Variants in THRAP3 observed in about 807,000 individuals in gnomAD.
THRAP3 encodes the protein thyroid hormone receptor associated protein 3.
In THRAP3, 16 loss-of-function variants were observed where a neutral mutation model predicts 101.0. The ratio of observed to expected loss-of-function variants is 0.16; its 90% CI spans 0.11 to 0.24. THRAP3 has a LOEUF of 0.24. Ranked by LOEUF, THRAP3 falls within the 10% of genes least tolerant of loss-of-function variation. The probability of loss-of-function intolerance (pLI) is 1.00; values close to 1 mark genes in which losing one functional copy is unlikely to be tolerated. For synonymous variants in THRAP3, 407 were observed against 422.6 expected (o/e 0.96, Z 0.45); for missense variants, 989 against 1,202.7 (o/e 0.82, Z 2.63).
chr1:36,240,407 A>G (rs539170374), intron 1 of THRAP3, among the ~76,000 whole-genome samples: 26 of 152,364 alleles, frequency 1.7e-4, no homozygotes, highest in Middle Eastern at 3.4e-3. Flanking sequence ...AGAGGAAGCC[A>G]GGCATCTGTC....
intron 6 of THRAP3, 127 bp from the exon 7 acceptor site, chr1:36,292,471 C>A (rs779478469): frequency 3.0e-4 from 181 of 600,782 alleles, no homozygotes; most frequent in Admixed American, 5.2e-4. Context: ...GGGGTTTCAC[C>A]GTGTTAGCCA....
At chr1:36,267,316 G>C (rs900421119) in intron 2 of THRAP3, among the ~76,000 whole-genome samples, 49 of 152,106 alleles carry the variant, frequency 3.2e-4, no homozygotes, top group African/African-American at 1.1e-3. Context: ...TTAGGACATG[G>C]CTGAAGTAGT....
chr1:36,296,054 ACCT>A (rs1417814499), intron 8 of THRAP3, among the ~76,000 whole-genome samples: 1 of 136,858 alleles, frequency 7.3e-6, no homozygotes, highest in Non-Finnish European at 1.5e-5. Flanking sequence ...GCTCACTGCA[ACCT>A]CCACCTCCTG....
chr1:36,222,986 G>A (rs995074677), upstream of THRAP3, among the ~76,000 whole-genome samples: 3 of 152,054 alleles, frequency 2.0e-5, no homozygotes, highest in South Asian at 2.1e-4. Context: ...AAAATTAGCC[G>A]GGTGGTGGCA....
At chr1:36,287,576 T>C (rs200244149) in intron 4 of THRAP3, 1 of 985,260 alleles carries the variant, frequency 1.0e-6, no homozygotes, top group East Asian at 1.1e-4. Context: ...GATTTGTGGG[T>C]CAGCTATCAA....
chr1:36,218,831 G>C, the THRAP3 span, among the ~76,000 whole-genome samples: 1 of 151,806 alleles, frequency 6.6e-6, no homozygotes, highest in Non-Finnish European at 1.5e-5. Context: ...TCAGGAGTTC[G>C]AGACCAGCCT....
chr1:36,265,842 C>G (rs1017111590), intron 2 of THRAP3, among the ~76,000 whole-genome samples: 1 of 151,872 alleles, frequency 6.6e-6, no homozygotes, highest in Admixed American at 6.6e-5. Flanking sequence ...CCCCCTACCC[C>G]CTAAAAATTA....
At chr1:36,248,800 T>C (rs1024036237) in intron 1 of THRAP3, among the ~76,000 whole-genome samples, 5 of 152,154 alleles carry the variant, frequency 3.3e-5, no homozygotes, top group Non-Finnish European at 7.3e-5. Context: ...AACTTACCTA[T>C]TGAGCAAACA....
chr1:36,258,723 C>T (rs542173735), intron 1 of THRAP3, among the ~76,000 whole-genome samples: 52 of 152,332 alleles, frequency 3.4e-4, no homozygotes, highest in Non-Finnish European at 1.6e-4. Context: ...TCGTGATCCG[C>T]CCGCCTTGGC....
chr1:36,297,444 ATTTTTTT>A (rs764365723), intron 9 of THRAP3, among the ~76,000 whole-genome samples: 3 of 122,372 alleles, frequency 2.5e-5, no homozygotes, highest in Admixed American at 8.2e-5. Flanking sequence ...GCTGGCAAGC[ATTTTTTT>A]TTTTTTTTTT....
intron 2 of THRAP3, among the ~76,000 whole-genome samples, chr1:36,275,269 G>C (rs1645643462): frequency 7.7e-6 from 1 of 130,436 alleles, no homozygotes; most frequent in South Asian, 2.7e-4. Flanking sequence ...CAGCCTGGGC[G>C]ACAAAGCGAG....
the THRAP3 span, among the ~76,000 whole-genome samples, chr1:36,218,504 C>G: frequency 6.8e-6 from 1 of 148,118 alleles, no homozygotes. Context: ...ATCACAAGGT[C>G]AGGGGATCGA....
chr1:36,277,260 C>T lies in THRAP3; in HGVS notation c.-31-5273C>T, dbSNP rs371932360. Reference sequence around the variant, plus strand: ...CTGGGATTGCAGGCATCAGCCACTGCACCCAGCCTCACATTTATTTTATTT... The same window carrying T: ...CTGGGATTGCAGGCATCAGCCACTGTACCCAGCCTCACATTTATTTTATTT... On this transcript the variant is annotated intron_variant, in intron 2 of 11. Coordinates refer to ENST00000354618, the MANE Select transcript of THRAP3 (RefSeq NM_005119.4). Among the ~76,000 whole-genome samples, 6 of 152,182 alleles carry T rather than the reference C, an allele frequency of 3.9e-5. No homozygotes were observed. The East Asian group carries it at 9.7e-4, about 25-fold the overall frequency.
In THRAP3 at chr1:36,304,024, C is replaced by T. The variant is rs1181117857; in HGVS notation, c.*7C>T. The T allele has an allele frequency of 2.0e-6, 3 of 1,507,928 alleles. No individual in the cohort carries two copies. Among genetic ancestry groups the T allele is most frequent in the South Asian group, 2.6e-5 (2 of 76,038 alleles). 93.4% of individuals were successfully genotyped at this position (1,507,928 alleles called of 1,614,324 possible). Reference sequence around the variant, plus strand: ...ACAGCCCACAACCGAGTAGGGGCCACCCTTGACGGGATTCCTGCCCAGGGG... The same window carrying T: ...ACAGCCCACAACCGAGTAGGGGCCATCCTTGACGGGATTCCTGCCCAGGGG... On this transcript the variant is annotated 3_prime_UTR_variant, in exon 12 of 12. Transcript: ENST00000354618.
chr1:36,274,894 G>A (rs1287175564), intron 2 of THRAP3, among the ~76,000 whole-genome samples: 4 of 150,118 alleles, frequency 2.7e-5, no homozygotes, highest in Non-Finnish European at 4.4e-5. Context: ...GCCTCCCAAA[G>A]TGCTGGGATT....
rs1471433490 is a variant in THRAP3 at position 36,286,574 on chromosome 1, G to A, written c.344G>A (p.Arg115Gln). 9.9e-6 allele frequency: 16 copies of A among 1,613,994 alleles called. No homozygotes were observed. Among genetic ancestry groups the A allele is most frequent in the Non-Finnish European group, 1.4e-5 (16 of 1,180,038 alleles). Residue 115 changes from arginine (R) to glutamine (Q), a missense_variant, in exon 4 of 12, where the codon CGG becomes CAG. Arg to Gln is a conservative substitution (Grantham distance 43). Coordinates refer to ENST00000354618, the MANE Select transcript of THRAP3 (RefSeq NM_005119.4). The surrounding 1 kb of genome is among the most constrained non-coding windows in gnomAD (Gnocchi z 5.5). ...TACCGCTCAAATTGGCAGAATTACC[G>A]GCAAGCATACAGTCCTCGTCGAGGC... ...GNYRSNWQNYRQAYSPRRGRS... is the reference protein window; with the variant it reads ...GNYRSNWQNYQQAYSPRRGRS...
At chr1:36,248,428 T>C (rs1033967680) in intron 1 of THRAP3, among the ~76,000 whole-genome samples, 1 of 147,712 alleles carries the variant, frequency 6.8e-6, no homozygotes, top group African/African-American at 2.5e-5. Flanking sequence ...GCCAGACCCA[T>C]TGCACCCAGC....
chr1:36,234,807 CTTTTTTTTTTTTTTT>C (rs35278020), intron 1 of THRAP3, among the ~76,000 whole-genome samples: 18 of 72,436 alleles, frequency 2.5e-4, no homozygotes, highest in East Asian at 2.1e-3. Flanking sequence ...CTGTTTCAGT[CTTTTTTTTTTTTTTT>C]TTTTTTTTTT....
the THRAP3 span, among the ~76,000 whole-genome samples, chr1:36,212,655 A>G: frequency 3.9e-5 from 6 of 151,992 alleles, no homozygotes; most frequent in Admixed American, 2.0e-4. Context: ...CCTGGCCTCA[A>G]GTGATCCACC....
Sources: allele counts gnomAD v4.1 joint callset (sites outside exome capture counted in the v4.1 genomes callset), GRCh38; gene constraint gnomAD v4.1.1; non-coding constraint Gnocchi (gnomAD v3.1); transcripts MANE v1.5; gene names NCBI Gene and HGNC (gene_info 2026-07-23, HGNC 2026-07-21).